Variants in HDAC9 observed in about 807,000 individuals in gnomAD.
HDAC9 encodes histone deacetylase 9.
In HDAC9, 41 loss-of-function variants were observed where a neutral mutation model predicts 139.4. The observed-to-expected ratio is 0.29, with a 90% CI of 0.23 to 0.38. The LOEUF (loss-of-function observed/expected upper bound fraction) is 0.38. Among genes scored for constraint, HDAC9 ranks in the 10% least tolerant of loss-of-function variants. HDAC9 has a pLI of 1.00. For synonymous variants in HDAC9, 517 were observed against 476.2 expected (o/e 1.09, Z -1.12); for missense variants, 1,147 against 1,297.0 (o/e 0.88, Z 1.78).
chr7:18,785,670 T>G (rs527391384), intron 16 of HDAC9, among the ~76,000 whole-genome samples: 1 of 152,338 alleles, frequency 6.6e-6, no homozygotes, highest in South Asian at 2.1e-4. Flanking sequence ...TAGAAAACTC[T>G]TTATGCATAT....
intron 1 of HDAC9, among the ~76,000 whole-genome samples, chr7:18,319,459 A>T (rs1799881033): frequency 1.3e-5 from 2 of 152,328 alleles, no homozygotes; most frequent in Admixed American, 6.5e-5. Context: ...AAATATTTGG[A>T]AACTATGTTA....
Position 18,623,924 on chromosome 7 carries a change from G to A in HDAC9, c.665-5426G>A, listed in dbSNP as rs538189460. The stretch of plus-strand genomic sequence containing the variant: ...ACTGCATTCCAGCATGGGCGACAGA[G>A]CAAGACTCCATTGCAGGGGGGGTAA... On this transcript the variant is annotated intron_variant, in intron 6 of 25. Coordinates refer to ENST00000686413, the MANE Select transcript of HDAC9 (RefSeq NM_178425.4). Among the ~76,000 whole-genome samples, 85 of 152,268 alleles carry A rather than the reference G, an allele frequency of 5.6e-4. 1 individual carries two copies. Among genetic ancestry groups the A allele is most frequent in the Admixed American group, 5.5e-3 (84 of 15,290 alleles).
intron 25 of HDAC9, among the ~76,000 whole-genome samples, chr7:18,982,482 CTTAA>C (rs963661744): frequency 2.0e-5 from 3 of 151,984 alleles, no homozygotes; most frequent in East Asian, 1.9e-4. Context: ...CAACAATGAC[CTTAA>C]TTAATTTTTA....
At chr7:18,749,727 A>G (rs530203165) in intron 14 of HDAC9, among the ~76,000 whole-genome samples, 7 of 152,294 alleles carry the variant, frequency 4.6e-5, no homozygotes, top group Non-Finnish European at 1.0e-4. Context: ...TTCAAAGGTT[A>G]AAAACAACAG....
intron 2 of HDAC9, 40 bp downstream of exon 2, chr7:18,496,364 A>C (rs1055893130): frequency 1.3e-5 from 21 of 1,574,294 alleles, no homozygotes; most frequent in Non-Finnish European, 1.7e-5. Context: ...TTAGGTTTGA[A>C]AGGGGGCTGG....
intron 1 of HDAC9, among the ~76,000 whole-genome samples, chr7:18,106,747 G>T (rs1783233717): frequency 6.6e-6 from 1 of 152,108 alleles, no homozygotes; most frequent in Non-Finnish European, 1.5e-5. Flanking sequence ...AGCCACCGTG[G>T]CTGGCCCTGT....
At chr7:18,745,582 C>G (rs939993442) in intron 13 of HDAC9, among the ~76,000 whole-genome samples, 1 of 139,288 alleles carries the variant, frequency 7.2e-6, no homozygotes, top group African/African-American at 2.7e-5. Context: ...GTCTGTCGCC[C>G]AGGCCGGACT....
At chr7:18,239,097 C>T (rs923278262) in intron 2 of HDAC9, among the ~76,000 whole-genome samples, 1 of 152,104 alleles carries the variant, frequency 6.6e-6, no homozygotes, top group East Asian at 1.9e-4. Context: ...TGTCACTATA[C>T]TTCTGAGTGT....
At chr7:18,663,159 A>G (rs1409527723) in intron 11 of HDAC9, among the ~76,000 whole-genome samples, 1 of 152,066 alleles carries the variant, frequency 6.6e-6, no homozygotes, top group African/African-American at 2.4e-5. Flanking sequence ...GAGCCAGAAG[A>G]AAGGAATGAT....
At chr7:18,417,622 T>C (rs1438942270) in intron 1 of HDAC9, among the ~76,000 whole-genome samples, 1 of 152,200 alleles carries the variant, frequency 6.6e-6, no homozygotes, top group Non-Finnish European at 1.5e-5. Flanking sequence ...ATGCAGTGTT[T>C]AGTTTTTGAC....
At chr7:18,151,407 A>G (rs56157884) in intron 1 of HDAC9, among the ~76,000 whole-genome samples, 1 of 152,140 alleles carries the variant, frequency 6.6e-6, no homozygotes, top group African/African-American at 2.4e-5. Context: ...GTTTAATAGG[A>G]TTGGTTCTGA....
chr7:18,845,243 A>C (rs910660098), intron 21 of HDAC9, among the ~76,000 whole-genome samples: 2 of 152,162 alleles, frequency 1.3e-5, no homozygotes, highest in African/African-American at 4.8e-5. Context: ...AATTTTTTTA[A>C]TTAACAAATT....
chr7:18,969,508 A>G (rs914617026), intron 24 of HDAC9, among the ~76,000 whole-genome samples: 4 of 152,224 alleles, frequency 2.6e-5, no homozygotes, highest in Non-Finnish European at 5.9e-5. Context: ...CAGGCATCCA[A>G]ATGAAAATTA....
In HDAC9 at chr7:18,227,570, T is replaced by A. The variant is rs1399930243; in HGVS notation, c.25+65221T>A. 3.9e-5 allele frequency among the ~76,000 whole-genome samples: 6 copies of A among 152,146 alleles called. No individual in the cohort carries two copies. The East Asian group carries it at 7.7e-4, about 19-fold the overall frequency. On this transcript the variant is annotated intron_variant, in intron 2 of 12. Coordinates refer to the HDAC9 transcript ENST00000417496. ...AAAGATAATAATTTGTTATCAACATTCTTAGGTGCAGATAAAGAGCCTGGA... is the reference window on the plus strand; with the variant it reads ...AAAGATAATAATTTGTTATCAACATACTTAGGTGCAGATAAAGAGCCTGGA...
chr7:18,624,550 A>C (rs960230973), intron 6 of HDAC9, among the ~76,000 whole-genome samples: 4 of 152,116 alleles, frequency 2.6e-5, no homozygotes, highest in African/African-American at 9.7e-5. Context: ...TAATTAGTGT[A>C]ACTAGGCATG....
intron 22 of HDAC9, among the ~76,000 whole-genome samples, chr7:18,884,785 G>A (rs1433374490): frequency 1.3e-5 from 2 of 152,070 alleles, no homozygotes; most frequent in African/African-American, 4.8e-5. Flanking sequence ...AGGAAAATAA[G>A]GAAAGAATGC....
chr7:18,529,501 A>G (rs1433334154), intron 2 of HDAC9, among the ~76,000 whole-genome samples: 1 of 152,216 alleles, frequency 6.6e-6, no homozygotes, highest in East Asian at 1.9e-4. Context: ...AGTAGATGCC[A>G]AAGTAGATTG....
At chr7:18,736,329 G>T (rs985302071) in intron 13 of HDAC9, among the ~76,000 whole-genome samples, 2 of 152,314 alleles carry the variant, frequency 1.3e-5, no homozygotes, top group South Asian at 2.1e-4. Flanking sequence ...CAAAGGGAAT[G>T]CTTCCAGTTT....
At chr7:18,294,777 G>A (rs1411996807) in intron 1 of HDAC9, among the ~76,000 whole-genome samples, 1 of 152,108 alleles carries the variant, frequency 6.6e-6, no homozygotes, top group Non-Finnish European at 1.5e-5. Flanking sequence ...AAGAGCAAGA[G>A]TAGACACATG....
Sources: allele counts gnomAD v4.1 joint callset (sites outside exome capture counted in the v4.1 genomes callset), GRCh38; gene constraint gnomAD v4.1.1; transcripts MANE v1.5; gene names NCBI Gene and HGNC (gene_info 2026-07-23, HGNC 2026-07-21).